Variants in MAP4K4 observed in about 807,000 individuals in gnomAD.
The protein encoded by MAP4K4 is HPK/GCK-like kinase HGK.
MAP4K4 carries 38 observed loss-of-function variants against 189.6 expected under a neutral mutation model. That is an observed-to-expected ratio of 0.20 (90% CI 0.15 to 0.26). The LOEUF is 0.26. Among genes scored for constraint, MAP4K4 ranks in the 10% least tolerant of loss-of-function variants. The pLI is 1.00. For synonymous variants in MAP4K4, 610 were observed against 624.3 expected, an observed-to-expected ratio of 0.98 and a Z score of 0.34; for missense variants, 1,054 against 1,726.9, an observed-to-expected ratio of 0.61 and a Z score of 6.91.
exon 33 of MAP4K4, chr2:101,892,881 T>A: frequency 2.2e-6 from 1 of 456,458 alleles, no homozygotes; most frequent in Non-Finnish European, 4.4e-6. Flanking sequence ...CAGGACTCCA[T>A]GTCACAGTCC....
chr2:101,808,745 A>G (rs2149107427), intron 3 of MAP4K4, among the ~76,000 whole-genome samples: 1 of 152,170 alleles, frequency 6.6e-6, no homozygotes, highest in South Asian at 2.1e-4. Context: ...TCATAATTCC[A>G]TCACCTTGGC....
Position 101,846,920 on chromosome 2 carries a change from G to A in MAP4K4, c.1233+2609G>A, listed in dbSNP as rs557194119. ...GGAATAGAGTGATCCCGTATTTGGG[G>A]GTTTGGTTCTAGGACTTCCCATGGA... On this transcript the variant is annotated intron_variant, in intron 12 of 32. Transcript: ENST00000324219. Among the ~76,000 whole-genome samples the A allele has an allele frequency of 6.6e-5, 10 of 152,284 alleles. No individual in the cohort carries two copies. In the South Asian group the frequency reaches 1.9e-3, roughly 28 times the overall value.
intron 11 of MAP4K4, 49 bp from the exon 12 acceptor site, chr2:101,844,052 G>A (rs781003082): frequency 7.6e-7 from 1 of 1,324,448 alleles, no homozygotes; most frequent in Non-Finnish European, 1.1e-6. Flanking sequence ...CTCACTTATA[G>A]GACAGTGTGA....
intron 2 of MAP4K4, among the ~76,000 whole-genome samples, chr2:101,769,519 A>G (rs560701464): frequency 1.4e-4 from 21 of 152,282 alleles, no homozygotes; most frequent in South Asian, 6.2e-4. Flanking sequence ...AGTGAATTCA[A>G]TTCTCATGTT....
intron 2 of MAP4K4, among the ~76,000 whole-genome samples, chr2:101,747,217 C>T (rs952534399): frequency 2.0e-5 from 3 of 152,154 alleles, no homozygotes; most frequent in Non-Finnish European, 4.4e-5. Context: ...CTCCTGGGTT[C>T]ATGCGATCCT....
At chr2:101,831,594 G>T (rs1432351766) in intron 6 of MAP4K4, 127 bp from the exon 7 acceptor site, 7 of 1,002,256 alleles carry the variant, frequency 7.0e-6, no homozygotes, top group Non-Finnish European at 1.1e-5. Context: ...GAGCAGGATC[G>T]CATATTCATG....
At chr2:101,888,071 G>A (rs1577485671) in intron 31 of MAP4K4, 134 bp downstream of exon 31, 1 of 656,046 alleles carries the variant, frequency 1.5e-6, no homozygotes, top group Admixed American at 3.1e-5. Context: ...GGCAGTAGAT[G>A]GTGGAAAGTT....
intron 2 of MAP4K4, among the ~76,000 whole-genome samples, chr2:101,786,267 G>A (rs1432079942): frequency 6.6e-6 from 1 of 152,098 alleles, no homozygotes; most frequent in Non-Finnish European, 1.5e-5. Context: ...AAAACCATGT[G>A]GGATGGGTTT....
chr2:101,839,000 G>A lies in MAP4K4; in HGVS notation c.774-819G>A, dbSNP rs368635025. 2.6e-5 allele frequency among the ~76,000 whole-genome samples: 4 copies of A among 152,294 alleles called. No individual in the cohort carries two copies. The East Asian group carries it at 5.8e-4, about 22-fold the overall frequency. On this transcript the variant is annotated intron_variant, in intron 9 of 32. Coordinates refer to ENST00000324219, the Ensembl canonical transcript of MAP4K4. Reference sequence around the variant, plus strand: ...CCTTTCAGTGGGACAGAAACAAAAAGCATGCAGTCTGTTAAAAGCAGATAA... The same window carrying A: ...CCTTTCAGTGGGACAGAAACAAAAAACATGCAGTCTGTTAAAAGCAGATAA...
At chr2:101,843,098 C>G (rs1331487107) in intron 11 of MAP4K4, among the ~76,000 whole-genome samples, 1 of 152,184 alleles carries the variant, frequency 6.6e-6, no homozygotes, top group Admixed American at 6.5e-5. Flanking sequence ...ATTTTACAGT[C>G]TGTGTTTTAG....
At chr2:101,823,892 C>A (rs747822419) in intron 3 of MAP4K4, 36 bp from the exon 4 acceptor site, 8 of 1,555,362 alleles carry the variant, frequency 5.1e-6, no homozygotes, top group Non-Finnish European at 7.0e-6. Flanking sequence ...TCACATCGTT[C>A]AGTAGCCACA....
intron 21 of MAP4K4, 43 bp downstream of exon 21, chr2:101,868,080 C>T (rs746487703): frequency 1.5e-5 from 24 of 1,603,856 alleles, no homozygotes; most frequent in Middle Eastern, 1.6e-4. Flanking sequence ...AGCAGCACTC[C>T]GACCGCCTGT....
At chr2:101,756,748 G>A (rs75900760) in intron 2 of MAP4K4, among the ~76,000 whole-genome samples, 1 of 61,574 alleles carries the variant, frequency 1.6e-5, no homozygotes, top group African/African-American at 5.9e-5. Context: ...TTTTTTTTTT[G>A]TAGAAACAGG....
At chr2:101,889,778 C>T (rs1201011224) in intron 32 of MAP4K4, among the ~76,000 whole-genome samples, 1 of 152,182 alleles carries the variant, frequency 6.6e-6, no homozygotes, top group East Asian at 1.9e-4. Flanking sequence ...CAGCCCAGTT[C>T]TCAGATTTAA....
At position 101,859,703 on chromosome 2, in the gene MAP4K4, C is replaced by G. The variant is rs377671536; in HGVS notation, c.1543C>G (p.Gln515Glu). The change falls in exon 15 of 33, where the codon CAA becomes GAA. Residue 515 changes from glutamine (Q) to glutamate (E), a missense_variant. Physicochemically the swap from Gln to Glu is conservative, Grantham distance 29. Coordinates refer to ENST00000324219, the Ensembl canonical transcript of MAP4K4. ...GGCAGAGAGGCTCCAGAGGCAGTTG[C>G]AACAAGAACAAGCATATCTCCTGTC... The G allele has an allele frequency of 1.1e-4, 182 of 1,612,174 alleles. No individual in the cohort carries two copies. In the Middle Eastern group the frequency reaches 1.3e-3, roughly 12 times the overall value.
At chr2:101,874,470 C>T (rs1207065441) in intron 26 of MAP4K4, among the ~76,000 whole-genome samples, 1 of 152,156 alleles carries the variant, frequency 6.6e-6, no homozygotes, top group Non-Finnish European at 1.5e-5. Flanking sequence ...CATGATTAAT[C>T]TCCATTTTAT....
At chr2:101,789,076 T>C (rs563819155) in intron 2 of MAP4K4, among the ~76,000 whole-genome samples, 31 of 152,324 alleles carry the variant, frequency 2.0e-4, no homozygotes, top group African/African-American at 7.0e-4. Flanking sequence ...GGACAGTGCA[T>C]GTGACATTTT....
chr2:101,887,929 C>T, exon 31 of MAP4K4: 1 of 1,602,490 alleles, frequency 6.2e-7, no homozygotes, highest in South Asian at 1.1e-5. Flanking sequence ...GAGATGCCTA[C>T]ATCAGTAGGT....
intron 2 of MAP4K4, among the ~76,000 whole-genome samples, chr2:101,712,614 C>T (rs956374399): frequency 6.6e-6 from 1 of 152,070 alleles, no homozygotes; most frequent in African/African-American, 2.4e-5. Context: ...ATTCTTGTGC[C>T]TCAACCTCCT....
Sources: allele counts gnomAD v4.1 joint callset (sites outside exome capture counted in the v4.1 genomes callset), GRCh38; gene constraint gnomAD v4.1.1; transcripts MANE v1.5; gene names NCBI Gene and HGNC (gene_info 2026-07-23, HGNC 2026-07-21).